The following RBM27 variants were observed in gnomAD, a reference collection of about 807,000 sequenced individuals.
The protein encoded by RBM27 is RNA-binding protein 27.
RBM27 carries 22 observed loss-of-function variants against 135.3 expected under a neutral mutation model. The ratio of observed to expected loss-of-function variants is 0.16; its 90% CI spans 0.12 to 0.23. The LOEUF (loss-of-function observed/expected upper bound fraction) is 0.23, where lower values mean the gene tolerates loss of function less well. RBM27 is among the 10% of genes least tolerant of loss of function. The pLI, the probability that RBM27 is intolerant of heterozygous loss-of-function variation, is 1.00. For synonymous variants in RBM27, 481 were observed against 442.4 expected (o/e 1.09, Z -1.10); for missense variants, 1,009 against 1,281.0 (o/e 0.79, Z 3.24).
chr5:146,284,377 C>G lies in RBM27; in HGVS notation c.2989-245C>G, dbSNP rs138623425. 3.1e-3 allele frequency among the ~76,000 whole-genome samples: 474 copies of G among 152,166 alleles called. 4 individuals carry two copies. Among genetic ancestry groups the G allele is most frequent in the African/African-American group, 0.011 (458 of 41,514 alleles). On this transcript the variant is annotated intron_variant, in intron 19 of 20. Coordinates refer to ENST00000265271, the MANE Select transcript of RBM27 (RefSeq NM_018989.2). ...CTTAGAAAAAAAATTATTTCTTCAA[C>G]CAAGACAGATGCTAACATTTACCTG... is the stretch of plus-strand genomic sequence containing the variant.
chr5:146,274,058 C>G (rs1204032395), intron 19 of RBM27, among the ~76,000 whole-genome samples: 1 of 152,172 alleles, frequency 6.6e-6, no homozygotes, highest in South Asian at 2.1e-4. Context: ...GATCTTGGCT[C>G]ATTGCAACCT....
At chr5:146,240,541 G>A (rs1438009045) in intron 8 of RBM27, among the ~76,000 whole-genome samples, 1 of 152,164 alleles carries the variant, frequency 6.6e-6, no homozygotes, top group Non-Finnish European at 1.5e-5. Flanking sequence ...TGGCTAGGCT[G>A]GTCTCGAACT....
At chr5:146,241,976 G>A (rs535007154) in intron 8 of RBM27, among the ~76,000 whole-genome samples, 1 of 151,930 alleles carries the variant, frequency 6.6e-6, no homozygotes, top group African/African-American at 2.4e-5. Context: ...TTTTTAGTAG[G>A]CACAGGTTCT....
chr5:146,284,538 A>G, intron 19 of RBM27, 84 bp from the exon 20 acceptor site: 2 of 876,546 alleles, frequency 2.3e-6, no homozygotes, highest in Non-Finnish European at 3.8e-6. Context: ...GCCCTATGTT[A>G]TACTTTTTAA....
At chr5:146,243,439 C>T (rs1757493547) in intron 8 of RBM27, among the ~76,000 whole-genome samples, 1 of 152,038 alleles carries the variant, frequency 6.6e-6, no homozygotes, top group Non-Finnish European at 1.5e-5. Context: ...ATATGATGCT[C>T]AAAGGAATTA....
At chr5:146,222,755 C>T (rs1030045731) in intron 2 of RBM27, among the ~76,000 whole-genome samples, 1 of 152,158 alleles carries the variant, frequency 6.6e-6, no homozygotes, top group Non-Finnish European at 1.5e-5. Flanking sequence ...ATCTGGTTCT[C>T]CCATTCAGTT....
chr5:146,259,307 G>A (rs556609180), intron 11 of RBM27, among the ~76,000 whole-genome samples: 83 of 151,786 alleles, frequency 5.5e-4, no homozygotes, highest in African/African-American at 1.9e-3. Context: ...CTTGAGGTCA[G>A]GAGTTCGAGA....
At chr5:146,229,613 T>G (rs889778872) in intron 4 of RBM27, 104 bp from the exon 5 acceptor site, 2 of 941,830 alleles carry the variant, frequency 2.1e-6, no homozygotes, top group Non-Finnish European at 1.6e-6. Flanking sequence ...TAAAAAAGCA[T>G]AGATATGCAT....
At chr5:146,247,423 A>G (rs1213446992) in intron 8 of RBM27, among the ~76,000 whole-genome samples, 1 of 152,234 alleles carries the variant, frequency 6.6e-6, no homozygotes, top group Non-Finnish European at 1.5e-5. Context: ...ATTGTATCAT[A>G]AATGCCCTTT....
intron 20 of RBM27, among the ~76,000 whole-genome samples, chr5:146,285,746 T>G (rs942428705): frequency 1.3e-5 from 2 of 151,988 alleles, no homozygotes; most frequent in Non-Finnish European, 2.9e-5. Flanking sequence ...GTAGCAAAAT[T>G]AGCAGGGGAG....
Position 146,237,250 on chromosome 5 carries a change from T to C in RBM27, c.1145-48T>C. On this transcript the variant is annotated intron_variant, in intron 7 of 20. Transcript: ENST00000265271. ...ACTGCTCCTGGCCTGATACTTTTATTAGGAAATATTAATGCTGTACTTTTC... is the reference window on the plus strand; with the variant it reads ...ACTGCTCCTGGCCTGATACTTTTATCAGGAAATATTAATGCTGTACTTTTC... 8 of 1,608,156 alleles carry C rather than the reference T, an allele frequency of 5.0e-6. No individual in the cohort carries two copies. In the South Asian group the frequency reaches 8.8e-5, roughly 18 times the overall value.
In RBM27 at chr5:146,230,795, T is replaced by C. The variant is rs1189561856; in HGVS notation, c.728T>C (p.Ile243Thr). 1 of 1,614,096 alleles carries C rather than the reference T, an allele frequency of 6.2e-7. No homozygotes were observed. The highest frequency in any genetic ancestry group is 1.1e-5 in the South Asian group (1 of 91,078). Residue 243 changes from isoleucine to threonine, a missense_variant, in exon 6 of 21, where the codon ATC becomes ACC. Coordinates refer to ENST00000265271, the MANE Select transcript of RBM27 (RefSeq NM_018989.2). Reference protein sequence around the residue: ...AQSIPSTVTVIAPAHHSENTT... With the variant: ...AQSIPSTVTVTAPAHHSENTT... ...TCTATTCCCAGCACTGTTACTGTGA[T>C]CGCACCTGCTCACCACTCTGAAAAC...
intron 2 of RBM27, among the ~76,000 whole-genome samples, chr5:146,219,831 C>T (rs569191531): frequency 2.6e-5 from 4 of 152,270 alleles, no homozygotes; most frequent in African/African-American, 9.6e-5. Flanking sequence ...ATGCCTCCAT[C>T]CACTCTCCTC....
In RBM27 at chr5:146,219,847, A is replaced by G. The variant is rs538556396; in HGVS notation, c.178+744A>G. Among the ~76,000 whole-genome samples, 25 of 151,702 alleles carry G rather than the reference A, an allele frequency of 1.6e-4. No homozygotes were observed. The South Asian group carries it at 4.4e-3, about 27-fold the overall frequency. ...TGCCTCCATCCACTCTCCTCCTTCC[A>G]ACCCTGTTTTGTTTTATTTTTCTTT... On this transcript the variant is annotated intron_variant, in intron 2 of 20. Coordinates refer to ENST00000265271, the MANE Select transcript of RBM27 (RefSeq NM_018989.2).
intron 19 of RBM27, among the ~76,000 whole-genome samples, chr5:146,281,646 A>G (rs1759356129): frequency 6.6e-6 from 1 of 152,236 alleles, no homozygotes; most frequent in Non-Finnish European, 1.5e-5. Flanking sequence ...CCCATGGGCC[A>G]CAGGTTGGAC....
At chr5:146,225,411 A>G (rs371601129) in intron 3 of RBM27, among the ~76,000 whole-genome samples, 13 of 152,336 alleles carry the variant, frequency 8.5e-5, no homozygotes, top group African/African-American at 3.1e-4. Flanking sequence ...AAATGTGGCT[A>G]TATTTATGAA....
chr5:146,284,777 C>A, intron 20 of RBM27, 45 bp downstream of exon 20: 1 of 1,160,270 alleles, frequency 8.6e-7, no homozygotes, highest in Non-Finnish European at 1.3e-6. Flanking sequence ...GATCACTTCT[C>A]AATTATGTAT....
chr5:146,274,017 T>C (rs978631054), intron 19 of RBM27, among the ~76,000 whole-genome samples: 1 of 152,186 alleles, frequency 6.6e-6, no homozygotes, highest in African/African-American at 2.4e-5. Flanking sequence ...GGAGTTTTGC[T>C]CTCGTCGCCC....
intron 11 of RBM27, among the ~76,000 whole-genome samples, chr5:146,259,514 A>C (rs1758276777): frequency 6.6e-6 from 1 of 151,704 alleles, no homozygotes; most frequent in South Asian, 2.1e-4. Context: ...CAAAAAAAAA[A>C]AAAAAAAAAA....
Sources: gnomAD v4.1 joint callset for allele counts (sites outside exome capture counted in the v4.1 genomes callset) on GRCh38, gnomAD v4.1.1 for gene constraint, MANE v1.5 for transcripts, NCBI Gene and HGNC (gene_info 2026-07-23, HGNC 2026-07-21) for gene names.